TBXAS1: variants seen among roughly 807,000 people sequenced by gnomAD.
TBXAS1 encodes thromboxane A synthase 1, also known as thromboxane-A synthase.
TBXAS1 carries 48 observed loss-of-function variants against 60.7 expected under a neutral mutation model. The ratio of observed to expected loss-of-function variants is 0.79; its 90% CI spans 0.63 to 1.01. The LOEUF (loss-of-function observed/expected upper bound fraction) is 1.01, where lower values mean the gene tolerates loss of function less well. Among genes scored for constraint, TBXAS1 ranks in the 50% least tolerant of loss-of-function variants. The probability of loss-of-function intolerance (pLI) is 0.00; values close to 1 mark genes in which losing one functional copy is unlikely to be tolerated. For synonymous variants in TBXAS1, 287 were observed against 269.7 expected (o/e 1.06, Z -0.63); for missense variants, 685 against 686.3 (o/e 1.00, Z 0.02).
rs150624722 is a variant in TBXAS1 at position 139,988,068 on chromosome 7, A to G, written c.1135-19023A>G. On this transcript the variant is annotated intron_variant, in intron 9 of 12. Transcript: ENST00000448866. ...GTGGGCAGACATTGCAGTCCAGCCC[A>G]AAGAGGCCTGTCCCAGCAGGACGCC... Among the ~76,000 whole-genome samples the G allele has an allele frequency of 7.3e-3, 1,106 of 152,368 alleles. 14 individuals carry two copies. The highest frequency in any genetic ancestry group is 0.025 in the African/African-American group (1,042 of 41,588).
rs1809571237 is a variant in TBXAS1, at chr7:139,953,424, T to G, written c.507T>G (p.Tyr169Ter). 1 of 1,614,220 alleles carries G rather than the reference T, an allele frequency of 6.2e-7. No homozygotes were observed. The highest frequency in any genetic ancestry group is 2.2e-5 in the East Asian group (1 of 44,888). Residue 169 changes from tyrosine (Y) to a stop codon, truncating the protein, a stop_gained, in exon 6 of 13, where the codon TAT (tyrosine) becomes TAG (stop). Coordinates refer to ENST00000448866, the MANE Select transcript of TBXAS1 (RefSeq NM_001061.7). LOFTEE classifies it high-confidence loss of function. ...TTCTCCTGGCTCATTTAAAACGCTA[T>G]GCGGAATCTGGGGACGCATTTGACA... ...CDLLLAHLKRYAESGDAFDIQ... is the reference protein window; with the variant it reads ...CDLLLAHLKR
intron 3 of TBXAS1, among the ~76,000 whole-genome samples, chr7:139,908,733 A>G (rs1805296003): frequency 6.6e-6 from 1 of 152,144 alleles, no homozygotes; most frequent in Admixed American, 6.5e-5. Flanking sequence ...CCTGAGAAGG[A>G]TAGTCTATTA....
chr7:139,849,400 C>A (rs978240481), intron 1 of TBXAS1, among the ~76,000 whole-genome samples: 12 of 147,658 alleles, frequency 8.1e-5, no homozygotes, highest in South Asian at 2.2e-4. Flanking sequence ...CAAAAAACAA[C>A]AAAAAAAAAA....
At chr7:139,905,776 T>C (rs1192011191) in intron 3 of TBXAS1, among the ~76,000 whole-genome samples, 2 of 152,194 alleles carry the variant, frequency 1.3e-5, no homozygotes, top group African/African-American at 4.8e-5. Flanking sequence ...TTGCAAATAT[T>C]GTCTCCTAGC....
chr7:139,921,018 G>T (rs1806426133), intron 4 of TBXAS1, among the ~76,000 whole-genome samples: 1 of 152,160 alleles, frequency 6.6e-6, no homozygotes, highest in South Asian at 2.1e-4. Flanking sequence ...TACATCTGTT[G>T]ATTTTCGTCT....
intron 4 of TBXAS1, among the ~76,000 whole-genome samples, chr7:139,931,569 G>C (rs1386870492): frequency 6.6e-6 from 1 of 152,202 alleles, no homozygotes; most frequent in East Asian, 1.9e-4. Context: ...AAGGTGAAAG[G>C]CACGCCTCAC....
intron 9 of TBXAS1, among the ~76,000 whole-genome samples, chr7:139,997,081 A>G (rs559097146): frequency 1.3e-5 from 2 of 152,328 alleles, no homozygotes; most frequent in South Asian, 4.1e-4. Flanking sequence ...CTATTACCAT[A>G]AAAATAAATC....
In TBXAS1 at chr7:140,020,239, A is replaced by G; in HGVS notation, c.*140A>G. 1.2e-6 allele frequency: 1 copy of G among 831,924 alleles called. No homozygotes were observed. The highest frequency in any genetic ancestry group is 2.0e-6 in the Non-Finnish European group (1 of 498,698). The allele number at this position is 831,924 out of a possible 1,614,324, so 51.5% of individuals were successfully genotyped here. On this transcript the variant is annotated 3_prime_UTR_variant, in exon 13 of 13. Coordinates refer to ENST00000448866, the MANE Select transcript of TBXAS1 (RefSeq NM_001061.7). ...TGCAAGGATAAGAGGTTCTTTACAT[A>G]ACATTTCCTAAATGCTTAATAAACG...
intron 3 of TBXAS1, among the ~76,000 whole-genome samples, chr7:139,784,267 T>TCTTCCTTTCTTTTTTTC (rs1314618242): frequency 6.6e-6 from 1 of 150,806 alleles, no homozygotes; most frequent in Admixed American, 6.6e-5. Context: ...TTCCTTTCTT[T>TCTTCCTTTCTTTTTTTC]CTTCCTTTCT....
At chr7:139,911,565 TAAAAATGCTAAAAC>T (rs2117050853) in intron 4 of TBXAS1, among the ~76,000 whole-genome samples, 1 of 152,252 alleles carries the variant, frequency 6.6e-6, no homozygotes, top group East Asian at 1.9e-4. Context: ...CTGAGGCTAT[TAAAAATGCTAAAAC>T]CAAGAGGGTT....
chr7:139,960,060 C>T (rs936794694), intron 8 of TBXAS1, among the ~76,000 whole-genome samples: 3 of 152,190 alleles, frequency 2.0e-5, no homozygotes, highest in African/African-American at 7.2e-5. Context: ...GGAATGAAGC[C>T]ACCAACTACC....
At position 139,957,663 on chromosome 7, in the gene TBXAS1, G is replaced by A. The variant is rs1311266734; in HGVS notation, c.718G>A (p.Ala240Thr). Residue 240 changes from alanine (A) to threonine (T), a missense_variant, in exon 8 of 13, where the codon GCC (alanine) becomes ACC (threonine). Coordinates refer to ENST00000448866, the MANE Select transcript of TBXAS1 (RefSeq NM_001061.7). ...ATTTCCATCCATAATGGTCCCACTG[G>A]CCCGGATTTTGCCCAATAAGAACCG... Reference protein sequence around the residue: ...LSFPSIMVPLARILPNKNRDE... With the variant: ...LSFPSIMVPLTRILPNKNRDE... The A allele has an allele frequency of 6.2e-7, 1 of 1,613,872 alleles. No homozygotes were observed. Among genetic ancestry groups the A allele is most frequent in the Admixed American group, 1.7e-5 (1 of 59,986 alleles).
intron 3 of TBXAS1, among the ~76,000 whole-genome samples, chr7:139,884,145 G>A (rs1019765805): frequency 3.3e-5 from 5 of 152,192 alleles, no homozygotes; most frequent in Non-Finnish European, 5.9e-5. Flanking sequence ...AAAGCCCACC[G>A]TTCACAGCTG....
intron 1 of TBXAS1, among the ~76,000 whole-genome samples, chr7:139,847,044 T>G (rs929610851): frequency 6.6e-6 from 1 of 152,156 alleles, no homozygotes; most frequent in East Asian, 1.9e-4. Context: ...TTGTGAGCAA[T>G]AAACCTTACA....
At chr7:139,902,106 T>C (rs1381410442) in intron 3 of TBXAS1, among the ~76,000 whole-genome samples, 2 of 151,872 alleles carry the variant, frequency 1.3e-5, no homozygotes, top group Admixed American at 6.6e-5. Flanking sequence ...GTGCTTATCA[T>C]ATTTTTTCCA....
exon 2 of TBXAS1, chr7:139,780,802 G>T (rs933500160): frequency 6.5e-6 from 1 of 154,322 alleles, no homozygotes; most frequent in Non-Finnish European, 1.5e-5. Context: ...CCGCACCCTA[G>T]ATGGCTGACT....
At chr7:139,872,158 A>T in intron 1 of TBXAS1, 77 bp from the exon 2 acceptor site, 1 of 1,409,712 alleles carries the variant, frequency 7.1e-7, no homozygotes, top group Non-Finnish European at 1.0e-6. Flanking sequence ...AGAGCTCAGT[A>T]ATTCTAGTTC....
Position 139,975,341 on chromosome 7 carries a change from G to C in TBXAS1, c.1134+13108G>C, listed in dbSNP as rs569982273. The stretch of plus-strand genomic sequence containing the variant: ...TTGAGAACATAAGATAATACCCTAG[G>C]ACAGGGCCTAGGTCGGATTGGCACT... On this transcript the variant is annotated intron_variant, in intron 9 of 12. Coordinates refer to ENST00000448866, the MANE Select transcript of TBXAS1 (RefSeq NM_001061.7). This position sits in a 1 kb window ranked among gnomAD's most constrained non-coding sequence, Gnocchi z 4.4. Among the ~76,000 whole-genome samples, 4 of 152,238 alleles carry C rather than the reference G, an allele frequency of 2.6e-5. No homozygotes were observed. Among genetic ancestry groups the C allele is most frequent in the African/African-American group, 9.6e-5 (4 of 41,542 alleles).
At chr7:139,814,153 T>G (rs897287801) in intron 4 of TBXAS1, among the ~76,000 whole-genome samples, 1 of 152,186 alleles carries the variant, frequency 6.6e-6, no homozygotes, top group Non-Finnish European at 1.5e-5. Context: ...CATTGCTATG[T>G]AGTGTTGGGA....
Sources: allele counts gnomAD v4.1 joint callset (sites outside exome capture counted in the v4.1 genomes callset), GRCh38; gene constraint gnomAD v4.1.1; non-coding constraint Gnocchi (gnomAD v3.1); transcripts MANE v1.5; gene names NCBI Gene and HGNC (gene_info 2026-07-23, HGNC 2026-07-21).